COL24A1: variants seen among roughly 807,000 people sequenced by gnomAD.
COL24A1 encodes the protein collagen type XXIV alpha 1 chain.
COL24A1 carries 224 observed loss-of-function variants against 253.9 expected under a neutral mutation model. The ratio of observed to expected loss-of-function variants is 0.88; its 90% CI spans 0.79 to 0.99. The LOEUF (loss-of-function observed/expected upper bound fraction) is 0.99, where lower values mean the gene tolerates loss of function less well. COL24A1 is among the 50% of genes least tolerant of loss of function. COL24A1 has a pLI of 0.00. For synonymous variants in COL24A1, 685 were observed against 673.7 expected (o/e 1.02, Z -0.26); for missense variants, 2,131 against 2,068.5 (o/e 1.03, Z -0.59).
At chr1:85,854,661 C>T (rs1678213757) in intron 37 of COL24A1, among the ~76,000 whole-genome samples, 1 of 150,512 alleles carries the variant, frequency 6.6e-6, no homozygotes. Context: ...TCTTGTAATT[C>T]TAATTGTAGA....
chr1:85,801,986 T>A (rs1283007521), intron 47 of COL24A1, among the ~76,000 whole-genome samples: 1 of 152,174 alleles, frequency 6.6e-6, no homozygotes, highest in East Asian at 1.9e-4. Context: ...TATCAAGTCC[T>A]ACTAAAGCCA....
At chr1:85,927,571 G>A (rs1158788317) in intron 24 of COL24A1, among the ~76,000 whole-genome samples, 2 of 120,298 alleles carry the variant, frequency 1.7e-5, no homozygotes, top group African/African-American at 3.2e-5. Context: ...GAACTGGGTG[G>A]AGCCCACCAC....
chr1:85,786,569 T>C (rs1669710312), intron 47 of COL24A1, 108 bp from the exon 48 acceptor site: 2 of 856,206 alleles, frequency 2.3e-6, no homozygotes, highest in Non-Finnish European at 3.6e-6. Context: ...TCTGTTAACA[T>C]ACTGCCCAGG....
At chr1:85,869,275 A>G (rs1680142947) in intron 35 of COL24A1, among the ~76,000 whole-genome samples, 1 of 152,178 alleles carries the variant, frequency 6.6e-6, no homozygotes, top group Admixed American at 6.6e-5. Context: ...TAGAGTTTCC[A>G]TATTTTCTCC....
intron 5 of COL24A1, among the ~76,000 whole-genome samples, chr1:86,109,630 G>A (rs575685914): frequency 1.7e-4 from 26 of 152,262 alleles, no homozygotes; most frequent in African/African-American, 6.0e-4. Context: ...ATGATTTCAT[G>A]TTTACTTCTG....
chr1:86,132,188 C>T (rs1033362563), intron 2 of COL24A1, among the ~76,000 whole-genome samples: 81 of 152,272 alleles, frequency 5.3e-4, no homozygotes, highest in African/African-American at 1.8e-3. Flanking sequence ...TGCTCATATC[C>T]TTTGCCCACT....
chr1:85,811,787 C>T (rs1450187749), intron 47 of COL24A1, among the ~76,000 whole-genome samples: 2 of 152,114 alleles, frequency 1.3e-5, no homozygotes, highest in African/African-American at 2.4e-5. Context: ...AGTATTTTGC[C>T]AGGTTGCCAG....
intron 14 of COL24A1, among the ~76,000 whole-genome samples, chr1:86,028,564 G>A (rs147936388): frequency 6.6e-6 from 1 of 152,266 alleles, no homozygotes; most frequent in African/African-American, 2.4e-5. Context: ...GTTTCCTGAG[G>A]CCTCCCCAGC....
intron 55 of COL24A1, among the ~76,000 whole-genome samples, chr1:85,760,016 T>C (rs1015231795): frequency 6.6e-6 from 1 of 152,042 alleles, no homozygotes. Flanking sequence ...AAAGGAAGAA[T>C]AAACAAGTGG....
intron 11 of COL24A1, among the ~76,000 whole-genome samples, chr1:86,047,902 T>C (rs1700023249): frequency 6.6e-6 from 1 of 152,110 alleles, no homozygotes; most frequent in Non-Finnish European, 1.5e-5. Context: ...TTGAGATTAA[T>C]AGTACATACA....
rs537847479 is a variant in COL24A1, at chr1:86,052,313, C to T, written c.1852-2136G>A. Among the ~76,000 whole-genome samples, 7 of 152,014 alleles carry T rather than the reference C, an allele frequency of 4.6e-5. No individual in the cohort carries two copies. The South Asian group carries it at 1.2e-3, about 27-fold the overall frequency. On this transcript the variant is annotated intron_variant, in intron 10 of 59. Coordinates refer to ENST00000370571, the MANE Select transcript of COL24A1 (RefSeq NM_152890.7). The stretch of plus-strand genomic sequence containing the variant: ...CCATTCCAGCATTATTCACAATTAT[C>T]AAAAGATAGAAGCAACGTAAATGTT...
At chr1:85,995,017 C>T (rs1487139899) in intron 19 of COL24A1, among the ~76,000 whole-genome samples, 4 of 152,060 alleles carry the variant, frequency 2.6e-5, no homozygotes, top group Admixed American at 6.6e-5. Flanking sequence ...GAAAATATAG[C>T]ACAGCTCAAT....
At chr1:85,756,016 T>A in intron 55 of COL24A1, among the ~76,000 whole-genome samples, 2 of 119,470 alleles carry the variant, frequency 1.7e-5, no homozygotes, top group East Asian at 2.5e-4. Context: ...AAAGGATTAA[T>A]ATCTAGAATA....
chr1:85,978,016 T>C (rs1239118429), intron 20 of COL24A1, among the ~76,000 whole-genome samples: 20 of 152,060 alleles, frequency 1.3e-4, no homozygotes, highest in Admixed American at 1.3e-3. Context: ...ACATATCAGA[T>C]TTACAGCAGA....
chr1:85,816,339 A>G (rs1673036853), intron 47 of COL24A1, among the ~76,000 whole-genome samples: 1 of 152,204 alleles, frequency 6.6e-6, no homozygotes, highest in Admixed American at 6.5e-5. Flanking sequence ...AATTAGATGA[A>G]CACAGAGAAA....
intron 51 of COL24A1, among the ~76,000 whole-genome samples, chr1:85,782,379 C>A (rs1443837080): frequency 1.3e-5 from 2 of 152,220 alleles, no homozygotes; most frequent in South Asian, 4.1e-4. Flanking sequence ...TGAGCCACTG[C>A]ATCTGGCCCT....
intron 3 of COL24A1, among the ~76,000 whole-genome samples, chr1:86,116,162 C>T (rs1330041424): frequency 6.2e-5 from 7 of 112,148 alleles, no homozygotes. Context: ...TTCATCTGTT[C>T]ATTCATTCAA....
At chr1:86,114,168 C>A (rs12024952) in intron 4 of COL24A1, among the ~76,000 whole-genome samples, 82,077 of 152,014 alleles carry the variant, frequency 0.54, 22,685 homozygotes, top group Non-Finnish European at 0.62. Context: ...AAAGTTGCAA[C>A]TTTTAAGTTA....
At chr1:85,819,696 C>G (rs1411097595) in intron 45 of COL24A1, among the ~76,000 whole-genome samples, 1 of 151,734 alleles carries the variant, frequency 6.6e-6, no homozygotes, top group Non-Finnish European at 1.5e-5. Flanking sequence ...AATAATGTAA[C>G]AAAGAGTTTT....
Sources: allele counts gnomAD v4.1 joint callset (sites outside exome capture counted in the v4.1 genomes callset), GRCh38; gene constraint gnomAD v4.1.1; transcripts MANE v1.5; gene names NCBI Gene and HGNC (gene_info 2026-07-23, HGNC 2026-07-21).